The following PCDH15 variants were observed in gnomAD, a reference collection of about 807,000 sequenced individuals.
The protein encoded by PCDH15 is protocadherin-15.
Under a neutral mutation model 178.5 loss-of-function variants are expected in PCDH15, and 129 were observed. That is an observed-to-expected ratio of 0.72 (90% confidence interval 0.63 to 0.84). The LOEUF (loss-of-function observed/expected upper bound fraction) is 0.84. Ranked by LOEUF, PCDH15 falls within the 40% of genes least tolerant of loss-of-function variation. The probability of loss-of-function intolerance (pLI) is 0.00; values close to 1 mark genes in which losing one functional copy is unlikely to be tolerated. For synonymous variants in PCDH15, 800 were observed against 732.0 expected (o/e 1.09, Z -1.50); for missense variants, 2,230 against 2,099.9 (o/e 1.06, Z -1.21).
chr10:55,130,165 G>A (rs185468262), intron 2 of PCDH15, among the ~76,000 whole-genome samples: 1 of 152,248 alleles, frequency 6.6e-6, no homozygotes, highest in East Asian at 1.9e-4. Flanking sequence ...ATGAGGGAAG[G>A]AGTGTTGCCC....
intron 26 of PCDH15, among the ~76,000 whole-genome samples, chr10:53,872,168 T>A (rs1283464269): frequency 2.0e-5 from 3 of 152,144 alleles, no homozygotes; most frequent in Admixed American, 6.5e-5. Flanking sequence ...ACTTCCTCCC[T>A]CTTTACAAAT....
chr10:54,465,141 GC>G (rs1439868866), intron 3 of PCDH15, among the ~76,000 whole-genome samples: 31 of 152,038 alleles, frequency 2.0e-4, no homozygotes, highest in African/African-American at 7.5e-4. Context: ...TTGATACATA[GC>G]ATTTGTATAT....
intron 15 of PCDH15, among the ~76,000 whole-genome samples, chr10:54,111,563 T>C (rs7095441): frequency 0.64 from 97,571 of 151,982 alleles, 32,058 homozygotes; most frequent in East Asian, 0.99. Flanking sequence ...CTTTTGCTGA[T>C]AGGTCATTTA....
intron 15 of PCDH15, among the ~76,000 whole-genome samples, chr10:54,106,178 T>G (rs1434323938): frequency 6.6e-6 from 1 of 152,170 alleles, no homozygotes; most frequent in Non-Finnish European, 1.5e-5. Context: ...GATACAAATA[T>G]TCTAAAATTG....
chr10:55,297,465 C>T (rs1421696613), intron 1 of PCDH15, among the ~76,000 whole-genome samples: 2 of 151,966 alleles, frequency 1.3e-5, no homozygotes. Flanking sequence ...TTAAGTCCAT[C>T]TCTTTCATGT....
intron 23 of PCDH15, among the ~76,000 whole-genome samples, chr10:53,943,932 G>GA (rs2086299656): frequency 6.6e-6 from 1 of 151,952 alleles, no homozygotes; most frequent in Admixed American, 6.6e-5. Flanking sequence ...TTTTATTATT[G>GA]TTTTAGGTTG....
At chr10:55,173,512 G>A (rs1003756444) in intron 1 of PCDH15, among the ~76,000 whole-genome samples, 3 of 151,824 alleles carry the variant, frequency 2.0e-5, no homozygotes, top group Admixed American at 2.0e-4. Flanking sequence ...ATATGACATC[G>A]TTTAATTTGT....
intron 2 of PCDH15, among the ~76,000 whole-genome samples, chr10:55,125,478 C>T (rs1231994248): frequency 6.6e-6 from 1 of 151,996 alleles, no homozygotes; most frequent in Admixed American, 6.6e-5. Flanking sequence ...AAGTGGAAGT[C>T]AGAGGGTAAG....
In PCDH15 at chr10:55,407,390, T is replaced by C. The variant is rs1040314251; in HGVS notation, c.-156+220235A>G. 1.4e-4 allele frequency among the ~76,000 whole-genome samples: 22 copies of C among 152,154 alleles called. 1 individual carries two copies. Among genetic ancestry groups the C allele is most frequent in the Admixed American group, 1.2e-3 (19 of 15,260 alleles). ...TCAAATGGGTAAATACTGCCTGATG[T>C]CCTTTACATAGAGAGATGGAGAAGT... On this transcript the variant is annotated intron_variant, in intron 2 of 5. Transcript: ENST00000613346.
At chr10:55,597,236 A>T (rs1842954223) in intron 2 of PCDH15, 1 of 152,022 alleles carries the variant, frequency 6.6e-6, no homozygotes, top group African/African-American at 2.4e-5. Flanking sequence ...CAATCAATAC[A>T]CGTTCACGCA....
intron 2 of PCDH15, among the ~76,000 whole-genome samples, chr10:55,419,551 A>G (rs1472687691): frequency 2.0e-5 from 3 of 151,826 alleles, no homozygotes; most frequent in African/African-American, 7.2e-5. Context: ...AGTAGCAGTT[A>G]TCCATGGCTG....
chr10:55,419,675 C>A (rs918705042), intron 2 of PCDH15, among the ~76,000 whole-genome samples: 5 of 151,554 alleles, frequency 3.3e-5, no homozygotes, highest in African/African-American at 9.7e-5. Flanking sequence ...ATGATTTTTT[C>A]TTTAGATTTT....
intron 3 of PCDH15, among the ~76,000 whole-genome samples, chr10:54,477,465 C>T (rs901678584): frequency 6.6e-6 from 1 of 152,206 alleles, no homozygotes; most frequent in Non-Finnish European, 1.5e-5. Flanking sequence ...GCATCTGCGT[C>T]CATCACCAAA....
intron 2 of PCDH15, among the ~76,000 whole-genome samples, chr10:55,057,169 C>A (rs777293479): frequency 2.1e-4 from 32 of 152,122 alleles, no homozygotes; most frequent in Non-Finnish European, 4.1e-4. Context: ...TGGGTCCAAC[C>A]AAAATCTCAG....
At chr10:54,191,623 A>G (rs2048995440) in intron 11 of PCDH15, among the ~76,000 whole-genome samples, 1 of 152,010 alleles carries the variant, frequency 6.6e-6, no homozygotes, top group Admixed American at 6.6e-5. Context: ...AAAGTATATC[A>G]AATAGAAATG....
intron 2 of PCDH15, among the ~76,000 whole-genome samples, chr10:55,373,526 A>G (rs1845554077): frequency 6.6e-6 from 1 of 152,106 alleles, no homozygotes; most frequent in Non-Finnish European, 1.5e-5. Context: ...TAAAATACAG[A>G]AGGACAGTAC....
intron 2 of PCDH15, among the ~76,000 whole-genome samples, chr10:55,519,087 T>C (rs1303450150): frequency 8.4e-6 from 1 of 119,460 alleles, no homozygotes; most frequent in Non-Finnish European, 1.7e-5. Flanking sequence ...GAGTGAGATT[T>C]CGTCTCAAAA....
At chr10:53,873,204 A>G (rs2079995932) in intron 26 of PCDH15, among the ~76,000 whole-genome samples, 1 of 152,166 alleles carries the variant, frequency 6.6e-6, no homozygotes, top group South Asian at 2.1e-4. Flanking sequence ...CTTTACAATC[A>G]TGCCTTAACC....
rs56927266 is a variant in PCDH15 at position 54,426,138 on chromosome 10, T to A, written c.158-47196A>T. Among the ~76,000 whole-genome samples the A allele has an allele frequency of 8.7e-3, 1,325 of 152,308 alleles. 23 individuals are homozygous for A. Among genetic ancestry groups the A allele is most frequent in the African/African-American group, 0.03 (1,257 of 41,582 alleles). On this transcript the variant is annotated intron_variant, in intron 3 of 37. Coordinates refer to ENST00000644397, the MANE Select transcript of PCDH15 (RefSeq NM_001384140.1). ...TTGTATCCTCTCAGTTAAGCTCCTGTTTTACTAAGGAAATTTAAGTAAGAT... is the reference window on the plus strand; with the variant it reads ...TTGTATCCTCTCAGTTAAGCTCCTGATTTACTAAGGAAATTTAAGTAAGAT...
Sources: gnomAD v4.1 joint callset for allele counts (sites outside exome capture counted in the v4.1 genomes callset) on GRCh38, gnomAD v4.1.1 for gene constraint, MANE v1.5 for transcripts, NCBI Gene and HGNC (gene_info 2026-07-23, HGNC 2026-07-21) for gene names.